COMMD9: variants seen among roughly 807,000 people sequenced by gnomAD.
COMMD9 encodes the protein COMM domain containing 9, also known as COMM domain-containing protein 9.
COMMD9 carries 22 observed loss-of-function variants against 23.4 expected under a neutral mutation model. The ratio of observed to expected loss-of-function variants is 0.94; its 90% confidence interval spans 0.67 to 1.34. The LOEUF is 1.34. Ranked by LOEUF, COMMD9 falls within the 40% of genes most tolerant of loss-of-function variation. COMMD9 has a pLI of 0.00. For synonymous variants in COMMD9, 99 were observed against 97.4 expected (o/e 1.02, Z -0.10); for missense variants, 231 against 240.2 (o/e 0.96, Z 0.25).
At chr11:36,286,609 C>CAAAA (rs974739666) in intron 1 of COMMD9, among the ~76,000 whole-genome samples, 2 of 151,566 alleles carry the variant, frequency 1.3e-5, no homozygotes, top group African/African-American at 4.9e-5. Flanking sequence ...AACAAACAAA[C>CAAAA]AAACAAACAA....
rs939633399 is a variant in COMMD9, at chr11:36,273,887, T to A, written c.*745A>T. 1 of 166,482 alleles carries A rather than the reference T, an allele frequency of 6.0e-6. No individual in the cohort carries two copies. The highest frequency in any genetic ancestry group is 5.7e-5 in the Admixed American group (1 of 17,598). The allele number at this position is 166,482 out of a possible 1,614,324, so 10.3% of individuals were successfully genotyped here. A position where few individuals can be genotyped will look rare whatever the true frequency, so the allele number is the denominator to read the frequency against. ...TTAGCTGGGAATTAGGAAGTTGGGA[T>A]CATCTTTAAAAACTAGAGAAGGTAC... is the stretch of plus-strand genomic sequence containing the variant. On this transcript the variant is annotated 3_prime_UTR_variant, in exon 6 of 6. Transcript: ENST00000263401.
In COMMD9 at chr11:36,278,495, T is replaced by G. The variant is rs751497494; in HGVS notation, c.299A>C (p.Lys100Thr). Residue 100 changes from lysine to threonine, a missense_variant, in exon 3 of 6, where the codon AAG becomes ACG. By Grantham distance (78) the Lys-to-Thr change is moderately conservative. Transcript: ENST00000263401. ...FHQNLKNLLT[K>T]IILEHVSTWR... ...CACTTACACATGTTCTAGGATGATC[T>G]TTGTCAGCAGGTTTTTGAGGTTTTG... 1.2e-6 allele frequency: 2 copies of G among 1,613,958 alleles called. No individual in the cohort carries two copies. Among genetic ancestry groups the G allele is most frequent in the Admixed American group, 3.3e-5 (2 of 60,024 alleles).
In COMMD9 at chr11:36,274,738, G is replaced by C; in HGVS notation, c.491C>G (p.Pro164Arg). The change falls in exon 6 of 6, where the codon CCC (proline) becomes CGC (arginine). Residue 164 changes from proline (P) to arginine (R), a missense_variant. Pro to Arg is a moderately radical substitution (Grantham distance 103, BLOSUM62 -2). Coordinates refer to ENST00000263401, the MANE Select transcript of COMMD9 (RefSeq NM_014186.4). Reference protein sequence around the residue: ...QEDPSLCGDKPSISAVTVELS... With the variant: ...QEDPSLCGDKRSISAVTVELS... ...CTCCACGGTGACAGCTGAGATGGAG[G>C]GTTTGTCTCCGCATAGGCTGGGATC... 6.2e-7 allele frequency: 1 copy of C among 1,614,258 alleles called. No individual in the cohort carries two copies. Among genetic ancestry groups the C allele is most frequent in the Non-Finnish European group, 8.5e-7 (1 of 1,180,022 alleles).
chr11:36,289,283 A>ATTT (rs777712365), intron 1 of COMMD9, 79 bp downstream of exon 1: 208 of 1,410,614 alleles, frequency 1.5e-4, no homozygotes, highest in Non-Finnish European at 2.0e-4. Context: ...ACCAGGGTCA[A>ATTT]TTTGTTCCCA....
rs546272050 is a variant in COMMD9 at position 36,284,469 on chromosome 11, A to G, written c.52-3632T>C. On this transcript the variant is annotated intron_variant, in intron 1 of 5. Transcript: ENST00000263401. ...CAACACTCCTCTTTCAACAACTGACATAACTAAACAGATATTCAACAAGGA... is the reference window on the plus strand; with the variant it reads ...CAACACTCCTCTTTCAACAACTGACGTAACTAAACAGATATTCAACAAGGA... Among the ~76,000 whole-genome samples, 3 of 152,388 alleles carry G rather than the reference A, an allele frequency of 2.0e-5. No homozygotes were observed. In the South Asian group the frequency reaches 6.2e-4, roughly 32 times the overall value.
At chr11:36,286,878 G>A (rs1262370624) in intron 1 of COMMD9, among the ~76,000 whole-genome samples, 2 of 152,064 alleles carry the variant, frequency 1.3e-5, no homozygotes, top group Non-Finnish European at 2.9e-5. Flanking sequence ...AATGAATAAC[G>A]CCAAAGGTTA....
Position 36,274,477 on chromosome 11 carries a change from C to A in COMMD9, c.*155G>T. The A allele has an allele frequency of 1.1e-6, 1 of 942,328 alleles. No homozygotes were observed. Among genetic ancestry groups the A allele is most frequent in the Non-Finnish European group, 1.7e-6 (1 of 589,152 alleles). The allele number at this position is 942,328 out of a possible 1,614,324, so 58.4% of individuals were successfully genotyped here. On this transcript the variant is annotated 3_prime_UTR_variant, in exon 6 of 6. Coordinates refer to ENST00000263401, the MANE Select transcript of COMMD9 (RefSeq NM_014186.4). ...AGCGGGGGATCTGGCTGCTTCTTCC[C>A]AATCCAACTGTAACTTCTGGATGGC...
rs1855894283 is a variant in COMMD9, at chr11:36,272,517, A to C, written c.*2115T>G. On this transcript the variant is annotated 3_prime_UTR_variant, in exon 6 of 6. Transcript: ENST00000263401. ...TCTGCAGGTCATGGGGAATGGAAGG[A>C]AAGGAGAGGGGTAAATTTGTGACAA... 1 of 152,218 alleles carries C rather than the reference A, an allele frequency of 6.6e-6. No homozygotes were observed. The highest frequency in any genetic ancestry group is 2.4e-5 in the African/African-American group (1 of 41,444). 9.4% of individuals were successfully genotyped at this position (152,218 alleles called of 1,614,324 possible).
At chr11:36,281,345 C>A (rs1856063028) in intron 1 of COMMD9, among the ~76,000 whole-genome samples, 1 of 152,204 alleles carries the variant, frequency 6.6e-6, no homozygotes, top group African/African-American at 2.4e-5. Context: ...GCCCCACCCA[C>A]CTCTATGTCA....
In COMMD9 at chr11:36,278,568, G is replaced by C. The variant is rs1467653679; in HGVS notation, c.226C>G (p.Leu76Val). Reference sequence around the variant, plus strand: ...GCCAGAATTGCCTCGGCAGAGGACAGGTCACGGAATGCCACCAGCCTAGTG... The same window carrying C: ...GCCAGAATTGCCTCGGCAGAGGACACGTCACGGAATGCCACCAGCCTAGTG... ...RLTRLVAFRD[L>V]SSAEAILALF... is the part of the protein sequence containing the mutation. The change falls in exon 3 of 6, where the codon CTG (leucine) becomes GTG (valine). Residue 76 changes from leucine to valine, a missense_variant. Leu to Val is a conservative substitution (Grantham distance 32). Coordinates refer to ENST00000263401, the MANE Select transcript of COMMD9 (RefSeq NM_014186.4). 1 of 1,614,206 alleles carries C rather than the reference G, an allele frequency of 6.2e-7. No individual in the cohort carries two copies. Among genetic ancestry groups the C allele is most frequent in the Non-Finnish European group, 8.5e-7 (1 of 1,180,010 alleles).
At chr11:36,283,089 G>C (rs1180729793) in intron 1 of COMMD9, among the ~76,000 whole-genome samples, 3 of 152,154 alleles carry the variant, frequency 2.0e-5, no homozygotes, top group Non-Finnish European at 4.4e-5. Flanking sequence ...GGCCCAGTTG[G>C]GTCCCCAGCC....
chr11:36,286,577 C>T (rs1422851561), intron 1 of COMMD9, among the ~76,000 whole-genome samples: 1 of 151,822 alleles, frequency 6.6e-6, no homozygotes, highest in African/African-American at 2.4e-5. Flanking sequence ...GTAGCCTGGG[C>T]CACAGAGCGA....
intron 3 of COMMD9, among the ~76,000 whole-genome samples, chr11:36,277,857 A>G (rs990388868): frequency 1.3e-5 from 2 of 152,226 alleles, no homozygotes; most frequent in Non-Finnish European, 2.9e-5. Context: ...AAATCCCCTC[A>G]GTGAAGGCGT....
intron 2 of COMMD9, among the ~76,000 whole-genome samples, 182 bp from the exon 3 acceptor site, chr11:36,278,798 G>A (rs997747789): frequency 6.6e-6 from 1 of 152,200 alleles, no homozygotes; most frequent in African/African-American, 2.4e-5. Context: ...GGCCTGCCTC[G>A]GAGTTCACCT....
chr11:36,286,430 G>GAAAA (rs1190966654), intron 1 of COMMD9, among the ~76,000 whole-genome samples: 1 of 61,924 alleles, frequency 1.6e-5, no homozygotes, highest in Non-Finnish European at 3.4e-5. Flanking sequence ...AAGAAAGAAA[G>GAAAA]AAAGAAAAGA....
At chr11:36,287,703 A>T (rs530561808) in intron 1 of COMMD9, among the ~76,000 whole-genome samples, 4 of 152,264 alleles carry the variant, frequency 2.6e-5, no homozygotes, top group African/African-American at 7.2e-5. Context: ...GAAGCCAGGC[A>T]TAAAAAAAAA....
chr11:36,286,376 C>T (rs1347890694), intron 1 of COMMD9, among the ~76,000 whole-genome samples: 3 of 125,822 alleles, frequency 2.4e-5, no homozygotes, highest in African/African-American at 3.2e-5. Flanking sequence ...GTGGGGAAAC[C>T]CTGTCTCTAC....
intron 2 of COMMD9, among the ~76,000 whole-genome samples, chr11:36,279,492 C>T (rs1481741092): frequency 6.6e-6 from 1 of 152,216 alleles, no homozygotes; most frequent in African/African-American, 2.4e-5. Flanking sequence ...GGGAAGTTAA[C>T]CTTCCACCAG....
intron 1 of COMMD9, among the ~76,000 whole-genome samples, chr11:36,285,396 A>AGAC (rs1399314127): frequency 1.3e-4 from 20 of 152,152 alleles, no homozygotes; most frequent in Non-Finnish European, 1.6e-4. Flanking sequence ...CTAGACCCAG[A>AGAC]TAGTTTAACT....
Sources: gnomAD v4.1 joint callset for allele counts (sites outside exome capture counted in the v4.1 genomes callset) on GRCh38, gnomAD v4.1.1 for gene constraint, MANE v1.5 for transcripts, NCBI Gene and HGNC (gene_info 2026-07-23, HGNC 2026-07-21) for gene names.